The following NCOA1 variants were observed in gnomAD, a reference collection of about 807,000 sequenced individuals.
NCOA1 encodes nuclear receptor coactivator 1.
Under a neutral mutation model 150.9 loss-of-function variants are expected in NCOA1, and 35 were observed. The ratio of observed to expected loss-of-function variants is 0.23; its 90% CI spans 0.18 to 0.31. The LOEUF (loss-of-function observed/expected upper bound fraction) is 0.31. NCOA1 is among the 10% of genes least tolerant of loss of function. The pLI is 1.00. For missense variants in NCOA1, 1,491 were observed against 1,749.3 expected, an observed-to-expected ratio of 0.85 and a Z score of 2.63; for synonymous variants, 590 against 630.0, an observed-to-expected ratio of 0.94 and a Z score of 0.95.
chr2:24,666,014 A>ATT, intron 6 of NCOA1, 99 bp downstream of exon 6: 1 of 737,598 alleles, frequency 1.4e-6, no homozygotes, highest in Non-Finnish European at 1.7e-6. Context: ...TTATTTTATT[A>ATT]TTATTATTAT....
At chr2:24,606,567 T>C (rs893775748) in intron 3 of NCOA1, among the ~76,000 whole-genome samples, 11 of 152,210 alleles carry the variant, frequency 7.2e-5, no homozygotes, top group African/African-American at 1.7e-4. Flanking sequence ...ACTGCACTTA[T>C]ATTTCTAGCA....
intron 20 of NCOA1, among the ~76,000 whole-genome samples, chr2:24,754,703 C>G (rs920621889): frequency 1.3e-5 from 2 of 152,140 alleles, no homozygotes; most frequent in African/African-American, 4.8e-5. Context: ...GTGTGATAGT[C>G]TATTTATTTG....
At position 24,562,816 on chromosome 2, in the gene NCOA1, G is replaced by A. The variant is rs182321758; in HGVS notation, c.-395-1479G>A. On this transcript the variant is annotated intron_variant, in intron 1 of 22. Transcript: ENST00000348332. ...AAGATTTTGAAACTGGAGATAACAAGCGACTAGAATGGAGAAAGAGCAGGT... is the reference window on the plus strand; with the variant it reads ...AAGATTTTGAAACTGGAGATAACAAACGACTAGAATGGAGAAAGAGCAGGT... Among the ~76,000 whole-genome samples, 257 of 152,294 alleles carry A rather than the reference G, an allele frequency of 1.7e-3. 5 individuals carry two copies. Among genetic ancestry groups the A allele is most frequent in the East Asian group, 5.8e-4 (3 of 5,184 alleles).
At chr2:24,494,654 T>C (rs1663123776) in intron 1 of NCOA1, among the ~76,000 whole-genome samples, 1 of 152,188 alleles carries the variant, frequency 6.6e-6, no homozygotes, top group African/African-American at 2.4e-5. Context: ...AAAAATGTTT[T>C]GGAGGGTTCC....
Position 24,705,015 on chromosome 2 carries a change from A to G in NCOA1, c.950-71A>G, listed in dbSNP as rs1673347931. 2.0e-6 allele frequency: 3 copies of G among 1,515,498 alleles called. No individual in the cohort carries two copies. The African/African-American group carries it at 4.2e-5, about 21-fold the overall frequency. 93.9% of individuals were successfully genotyped at this position (1,515,498 alleles called of 1,614,324 possible). On this transcript the variant is annotated intron_variant, in intron 11 of 22. Coordinates refer to ENST00000348332, the MANE Select transcript of NCOA1 (RefSeq NM_003743.5). ...TTAAAATGAGGTTCTAAGTAGAAAT[A>G]AAACCTGGTGACTTAAAGCCAGCGT...
Position 24,768,629 on chromosome 2 carries a change from C to T in NCOA1, c.*238C>T, listed in dbSNP as rs142380693. The T allele has an allele frequency of 2.3e-3, 715 of 305,838 alleles. 8 individuals are homozygous for T. Among genetic ancestry groups the T allele is most frequent in the African/African-American group, 0.013 (609 of 46,088 alleles). The allele number at this position is 305,838 out of a possible 1,614,324, so 18.9% of individuals were successfully genotyped here. On this transcript the variant is annotated 3_prime_UTR_variant, in exon 23 of 23. Coordinates refer to ENST00000348332, the MANE Select transcript of NCOA1 (RefSeq NM_003743.5). ...ATATTGAAAAAATACCAAGGCAGAACAGTTGGACAATCTATTTCTTGAGCC... is the reference window on the plus strand; with the variant it reads ...ATATTGAAAAAATACCAAGGCAGAATAGTTGGACAATCTATTTCTTGAGCC...
chr2:24,716,497 G>A (rs970530619), intron 14 of NCOA1, among the ~76,000 whole-genome samples: 4 of 152,098 alleles, frequency 2.6e-5, no homozygotes, highest in African/African-American at 9.7e-5. Flanking sequence ...GAACATCTAT[G>A]TAGAAAAAAA....
intron 1 of NCOA1, among the ~76,000 whole-genome samples, chr2:24,551,094 C>CA (rs767086071): frequency 0.14 from 9,702 of 69,154 alleles, 380 homozygotes; most frequent in Non-Finnish European, 0.15. Context: ...GACTTTGTCT[C>CA]AAAAAAAAAA....
At chr2:24,710,605 A>G (rs1290650852) in intron 13 of NCOA1, among the ~76,000 whole-genome samples, 2 of 152,220 alleles carry the variant, frequency 1.3e-5, no homozygotes, top group Non-Finnish European at 2.9e-5. Flanking sequence ...CTATCATCAT[A>G]ACACAGTACT....
At chr2:24,708,357 T>G (rs2148597885) in intron 13 of NCOA1, among the ~76,000 whole-genome samples, 1 of 152,294 alleles carries the variant, frequency 6.6e-6, no homozygotes, top group Non-Finnish European at 1.5e-5. Flanking sequence ...TGTTTTTTCC[T>G]TCTCATCTGA....
rs60674114 is a variant in NCOA1, at chr2:24,700,143, CTAATAATAATAATAA to C, written c.949+2369_949+2383del. Among the ~76,000 whole-genome samples, 10 of 143,098 alleles carry C rather than the reference CTAATAATAATAATAA, an allele frequency of 7.0e-5. No homozygotes were observed. In the South Asian group the frequency reaches 1.1e-3, roughly 16 times the overall value. 93.9% of individuals were successfully genotyped at this position (143,098 alleles called of 152,430 possible). ...GGGCAACAAGAGCGAAACTTCATCG[CTAATAATAATAATAA>C]TAATAATAATAATAATAATAATAGT... is the stretch of plus-strand genomic sequence containing the variant. On this transcript the variant is annotated intron_variant, in intron 11 of 22. Transcript: ENST00000348332.
rs1553319751 is a variant in NCOA1, at chr2:24,765,187, A to AG, written c.4155+2411_4155+2412insG. 4.7e-3 allele frequency among the ~76,000 whole-genome samples: 713 copies of AG among 151,406 alleles called. 6 individuals carry two copies. Among genetic ancestry groups the AG allele is most frequent in the Non-Finnish European group, 7.7e-3 (523 of 67,774 alleles). ...GGGATACTTCGACTCAAAAAAAAAA[A>AG]AGAGAGAGAGAGAGAAGGCATTTTA... On this transcript the variant is annotated intron_variant, in intron 22 of 22. Transcript: ENST00000348332.
chr2:24,655,205 C>T (rs1337883350), intron 4 of NCOA1, among the ~76,000 whole-genome samples: 2 of 152,168 alleles, frequency 1.3e-5, no homozygotes, highest in Non-Finnish European at 2.9e-5. Context: ...TTCTCCCACA[C>T]TGAGATCAAT....
chr2:24,503,733 G>GT (rs72387328), intron 1 of NCOA1, among the ~76,000 whole-genome samples: 20,530 of 132,054 alleles, frequency 0.16, 1,868 homozygotes, highest in Non-Finnish European at 0.22. Flanking sequence ...ACTTGTCTCT[G>GT]TTTTTTTTTT....
At chr2:24,621,734 C>T (rs1669176805) in intron 3 of NCOA1, among the ~76,000 whole-genome samples, 1 of 152,170 alleles carries the variant, frequency 6.6e-6, no homozygotes, top group Non-Finnish European at 1.5e-5. Flanking sequence ...TCCTCTTCGG[C>T]TTCCCAAAGT....
chr2:24,700,035 C>T (rs1270219572), intron 11 of NCOA1, among the ~76,000 whole-genome samples: 3 of 151,910 alleles, frequency 2.0e-5, no homozygotes, highest in Non-Finnish European at 2.9e-5. Flanking sequence ...CCCAGCTACT[C>T]GGAAGGCTGA....
chr2:24,693,132 G>A (rs764293865), intron 9 of NCOA1, 120 bp from the exon 10 acceptor site: 27 of 885,178 alleles, frequency 3.1e-5, no homozygotes, highest in Admixed American at 3.0e-4. Flanking sequence ...GGGATTACAG[G>A]CGTGAGCCAC....
chr2:24,600,379 G>A (rs990100309), intron 3 of NCOA1, among the ~76,000 whole-genome samples: 2 of 152,054 alleles, frequency 1.3e-5, no homozygotes, highest in Admixed American at 6.5e-5. Context: ...CTAATTTTTT[G>A]TATTTTTTGT....
intron 5 of NCOA1, 92 bp from the exon 6 acceptor site, chr2:24,665,657 G>T: frequency 1.0e-6 from 1 of 993,264 alleles, no homozygotes. Context: ...TAAAAATAAA[G>T]ATCTCACTAA....
Sources: gnomAD v4.1 joint callset for allele counts (sites outside exome capture counted in the v4.1 genomes callset) on GRCh38, gnomAD v4.1.1 for gene constraint, MANE v1.5 for transcripts, NCBI Gene and HGNC (gene_info 2026-07-23, HGNC 2026-07-21) for gene names.